The following SORCS3 variants were observed in gnomAD, a reference collection of about 807,000 sequenced individuals.
The protein encoded by SORCS3 is VPS10 domain-containing receptor SorCS3.
In SORCS3, 57 loss-of-function variants were observed where a neutral mutation model predicts 146.3. The observed-to-expected ratio is 0.39, with a 90% CI of 0.31 to 0.49. The LOEUF (loss-of-function observed/expected upper bound fraction) is 0.49. Ranked by LOEUF, SORCS3 falls within the 20% of genes least tolerant of loss-of-function variation. The pLI is 0.92. For synonymous variants in SORCS3, 653 were observed against 618.5 expected (o/e 1.06, Z -0.83); for missense variants, 1,341 against 1,575.5 (o/e 0.85, Z 2.52).
intron 7 of SORCS3, among the ~76,000 whole-genome samples, chr10:105,117,964 T>C (rs532553864): frequency 1.3e-5 from 2 of 152,268 alleles, no homozygotes; most frequent in Admixed American, 1.3e-4. Flanking sequence ...ATCTTTCCAA[T>C]ATCATCTTAC....
chr10:104,769,806 A>G (rs17766570), intron 1 of SORCS3, among the ~76,000 whole-genome samples: 20,402 of 152,150 alleles, frequency 0.13, 1,742 homozygotes, highest in Middle Eastern at 0.19. Flanking sequence ...TGTATGTGTC[A>G]GCTCCTTATC....
At chr10:105,072,898 C>T (rs1423095249) in intron 5 of SORCS3, among the ~76,000 whole-genome samples, 1 of 152,032 alleles carries the variant, frequency 6.6e-6, no homozygotes, top group African/African-American at 2.4e-5. Flanking sequence ...TACTCCTAAG[C>T]CTATGCTAAG....
intron 1 of SORCS3, among the ~76,000 whole-genome samples, chr10:104,680,991 G>A (rs1327456281): frequency 1.3e-5 from 2 of 152,246 alleles, no homozygotes; most frequent in East Asian, 1.9e-4. Context: ...CGCCAGGGCA[G>A]AGAGCAAACT....
At chr10:104,979,637 C>G (rs1289297050) in intron 4 of SORCS3, among the ~76,000 whole-genome samples, 1 of 152,088 alleles carries the variant, frequency 6.6e-6, no homozygotes. Context: ...CATAACCTTT[C>G]TATGTCTCGT....
chr10:104,984,052 C>T (rs139004978), intron 4 of SORCS3, among the ~76,000 whole-genome samples: 5 of 152,300 alleles, frequency 3.3e-5, no homozygotes, highest in African/African-American at 9.6e-5. Flanking sequence ...TTTTCAGCCA[C>T]TACCTTCCAC....
At chr10:104,868,130 A>G (rs2018479868) in intron 2 of SORCS3, among the ~76,000 whole-genome samples, 1 of 152,162 alleles carries the variant, frequency 6.6e-6, no homozygotes, top group Admixed American at 6.5e-5. Context: ...AGGTGGTTAC[A>G]TTTCCACCTT....
At chr10:105,072,957 A>G (rs1393984023) in intron 5 of SORCS3, among the ~76,000 whole-genome samples, 2 of 152,182 alleles carry the variant, frequency 1.3e-5, no homozygotes, top group South Asian at 4.2e-4. Flanking sequence ...CCTGCGAGGT[A>G]AATATTGCTG....
intron 3 of SORCS3, among the ~76,000 whole-genome samples, chr10:104,972,330 C>A (rs1448379696): frequency 2.0e-5 from 3 of 152,176 alleles, no homozygotes; most frequent in Non-Finnish European, 4.4e-5. Flanking sequence ...TGAACCTGGT[C>A]TCTCTGATGC....
intron 1 of SORCS3, among the ~76,000 whole-genome samples, chr10:104,717,406 C>T (rs1384231720): frequency 6.6e-6 from 1 of 151,650 alleles, no homozygotes; most frequent in Non-Finnish European, 1.5e-5. Context: ...TTCTCCAGTT[C>T]CTTTTCCTAC....
At chr10:104,818,719 G>A (rs989906938) in intron 1 of SORCS3, among the ~76,000 whole-genome samples, 2 of 152,038 alleles carry the variant, frequency 1.3e-5, no homozygotes, top group Non-Finnish European at 2.9e-5. Flanking sequence ...GGTTCTGCCA[G>A]CTGAATGTGG....
intron 9 of SORCS3, among the ~76,000 whole-genome samples, chr10:105,154,453 C>T (rs2056191551): frequency 6.6e-6 from 1 of 152,228 alleles, no homozygotes; most frequent in Non-Finnish European, 1.5e-5. Flanking sequence ...TCCCTCTGCA[C>T]TCAAATTGAT....
chr10:105,200,868 G>A (rs180958641), intron 15 of SORCS3, among the ~76,000 whole-genome samples: 2 of 152,270 alleles, frequency 1.3e-5, no homozygotes, highest in East Asian at 1.9e-4. Context: ...GAGCAGAAAC[G>A]GGATGATGTA....
chr10:105,083,404 A>C (rs2055638471), intron 5 of SORCS3, among the ~76,000 whole-genome samples: 1 of 152,092 alleles, frequency 6.6e-6, no homozygotes. Context: ...ATCCTGGCCT[A>C]AATTTGGTCC....
intron 2 of SORCS3, among the ~76,000 whole-genome samples, chr10:104,857,339 ATAT>A (rs2018346003): frequency 6.6e-6 from 1 of 152,116 alleles, no homozygotes; most frequent in Non-Finnish European, 1.5e-5. Flanking sequence ...TTGTAAACAG[ATAT>A]TATAGAATAA....
At chr10:104,761,778 T>G (rs1440162981) in intron 1 of SORCS3, among the ~76,000 whole-genome samples, 1 of 152,120 alleles carries the variant, frequency 6.6e-6, no homozygotes, top group Non-Finnish European at 1.5e-5. Context: ...GGGTACCTCT[T>G]AGGTACTGCC....
chr10:105,064,619 A>G (rs1380306887), intron 5 of SORCS3, among the ~76,000 whole-genome samples: 1 of 150,904 alleles, frequency 6.6e-6, no homozygotes, highest in Non-Finnish European at 1.5e-5. Flanking sequence ...GTTGAAGTCC[A>G]GGAGTCCAAA....
intron 5 of SORCS3, among the ~76,000 whole-genome samples, chr10:105,084,932 A>G (rs1194649416): frequency 6.6e-6 from 1 of 151,816 alleles, no homozygotes; most frequent in African/African-American, 2.4e-5. Context: ...GGGTTTCACC[A>G]TGTTAGCCAG....
chr10:104,892,546 AC>A (rs1403037887), intron 2 of SORCS3, among the ~76,000 whole-genome samples: 1 of 151,874 alleles, frequency 6.6e-6, no homozygotes, highest in Non-Finnish European at 1.5e-5. Flanking sequence ...ACATGGTGAA[AC>A]CCCATCTCTA....
chr10:105,081,876 G>T (rs145543543), intron 5 of SORCS3, among the ~76,000 whole-genome samples: 1 of 152,120 alleles, frequency 6.6e-6, no homozygotes, highest in African/African-American at 2.4e-5. Context: ...TCAGGAAGGC[G>T]AACAATCTAC....
Sources: gnomAD v4.1 joint callset for allele counts (sites outside exome capture counted in the v4.1 genomes callset) on GRCh38, gnomAD v4.1.1 for gene constraint, MANE v1.5 for transcripts, NCBI Gene and HGNC (gene_info 2026-07-23, HGNC 2026-07-21) for gene names.